Variants in FAM227B observed in about 807,000 individuals in gnomAD.
FAM227B encodes the protein protein FAM227B.
In FAM227B, 88 loss-of-function variants were observed where a neutral mutation model predicts 73.8. The ratio of observed to expected loss-of-function variants is 1.19; its 90% CI spans 1.00 to 1.42. FAM227B has a LOEUF of 1.42. FAM227B is among the 40% of genes most tolerant of loss of function. The pLI, the probability that FAM227B is intolerant of heterozygous loss-of-function variation, is 0.00. For missense variants in FAM227B, 632 were observed against 590.9 expected, an observed-to-expected ratio of 1.07 and a Z score of -0.72; for synonymous variants, 210 against 190.5, an observed-to-expected ratio of 1.10 and a Z score of -0.84.
intron 11 of FAM227B, among the ~76,000 whole-genome samples, chr15:49,383,761 T>A (rs1364913970): frequency 6.6e-6 from 1 of 152,104 alleles, no homozygotes; most frequent in Non-Finnish European, 1.5e-5. Flanking sequence ...AATAATTTTT[T>A]AATTTCACCA....
At chr15:49,510,473 C>T (rs1367421917) in intron 10 of FAM227B, among the ~76,000 whole-genome samples, 5 of 152,004 alleles carry the variant, frequency 3.3e-5, no homozygotes, top group Non-Finnish European at 7.4e-5. Context: ...AAACTGCTCC[C>T]CCCACTATTG....
chr15:49,609,639 T>C (rs1025278955), intron 3 of FAM227B, among the ~76,000 whole-genome samples: 2 of 151,938 alleles, frequency 1.3e-5, no homozygotes, highest in Admixed American at 6.6e-5. Context: ...AAATATTTCT[T>C]AAATGAATTC....
intron 11 of FAM227B, among the ~76,000 whole-genome samples, chr15:49,507,369 A>T (rs1443618519): frequency 6.6e-6 from 1 of 152,140 alleles, no homozygotes; most frequent in Non-Finnish European, 1.5e-5. Context: ...TCCTTGGCCT[A>T]TATCAAGGTA....
intron 11 of FAM227B, chr15:49,486,581 A>T (rs1453220935): frequency 6.6e-6 from 1 of 152,004 alleles, no homozygotes; most frequent in Non-Finnish European, 1.5e-5. Context: ...GTAAAACATG[A>T]CTATACAGAA....
At chr15:49,461,125 T>A (rs796984974) in intron 11 of FAM227B, among the ~76,000 whole-genome samples, 1 of 152,208 alleles carries the variant, frequency 6.6e-6, no homozygotes, top group Non-Finnish European at 1.5e-5. Flanking sequence ...TCCATCCTGA[T>A]GAACTTCTTC....
intron 13 of FAM227B, among the ~76,000 whole-genome samples, chr15:49,351,121 T>C (rs1166484523): frequency 7.0e-6 from 1 of 142,252 alleles, no homozygotes. Context: ...GTAGATCATT[T>C]AGTTTTGTTA....
chr15:49,392,635 A>C (rs1273119518), intron 11 of FAM227B, among the ~76,000 whole-genome samples: 1 of 152,232 alleles, frequency 6.6e-6, no homozygotes, highest in Admixed American at 6.5e-5. Flanking sequence ...GTGGTTATCC[A>C]AGTGTAAGAA....
chr15:49,374,306 G>A (rs1196669465), intron 11 of FAM227B, among the ~76,000 whole-genome samples: 1 of 152,022 alleles, frequency 6.6e-6, no homozygotes, highest in African/African-American at 2.4e-5. Flanking sequence ...AGTCTAGGAA[G>A]GAATCCAATA....
At chr15:49,619,585 A>C (rs189804195) in intron 1 of FAM227B, among the ~76,000 whole-genome samples, 6 of 152,184 alleles carry the variant, frequency 3.9e-5, no homozygotes, top group African/African-American at 4.8e-5. Flanking sequence ...CCTATTGACA[A>C]CACCACCTGT....
At chr15:49,517,118 A>G (rs2059428672) in intron 10 of FAM227B, among the ~76,000 whole-genome samples, 1 of 152,192 alleles carries the variant, frequency 6.6e-6, no homozygotes, top group African/African-American at 2.4e-5. Context: ...GTTGTTATAA[A>G]TCACTAAATG....
chr15:49,517,285 T>C lies in FAM227B; in HGVS notation c.875-8937A>G, dbSNP rs972900994. On this transcript the variant is annotated intron_variant, in intron 10 of 15. Transcript: ENST00000299338. ...TTAATGAAATTAATGGAACTCAGTA[T>C]ACTGTAAACAGCCTAAGAAAGTGAT... Among the ~76,000 whole-genome samples, 3 of 152,192 alleles carry C rather than the reference T, an allele frequency of 2.0e-5. No individual in the cohort carries two copies. In the East Asian group the frequency reaches 5.8e-4, roughly 29 times the overall value.
intron 9 of FAM227B, among the ~76,000 whole-genome samples, chr15:49,555,660 TC>T (rs1388051486): frequency 1.3e-5 from 2 of 152,236 alleles, no homozygotes; most frequent in African/African-American, 4.8e-5. Context: ...TTGCTTTCTC[TC>T]CCTCTTTCAA....
chr15:49,365,564 C>A, intron 13 of FAM227B: 1 of 890,492 alleles, frequency 1.1e-6, no homozygotes. Flanking sequence ...AAAGGTCCAG[C>A]TGCAAGTTTA....
chr15:49,578,350 T>A lies in FAM227B; in HGVS notation c.406-686A>T, dbSNP rs554429533. ...GATCCTTCTTTGAAAAGGAATTGGG[T>A]GGCATATTTTAATGTCTACTACACT... On this transcript the variant is annotated intron_variant, in intron 5 of 15. Coordinates refer to ENST00000299338, the MANE Select transcript of FAM227B (RefSeq NM_152647.3). 3.8e-4 allele frequency among the ~76,000 whole-genome samples: 58 copies of A among 152,268 alleles called. 1 individual carries two copies. The South Asian group carries it at 0.011, about 29-fold the overall frequency.
intron 13 of FAM227B, among the ~76,000 whole-genome samples, chr15:49,352,772 A>G (rs1160172308): frequency 6.6e-6 from 1 of 152,176 alleles, no homozygotes; most frequent in Non-Finnish European, 1.5e-5. Flanking sequence ...ATCCAAAATT[A>G]TAATATCAAA....
chr15:49,578,401 G>T (rs1186248162), intron 5 of FAM227B, among the ~76,000 whole-genome samples: 1 of 152,002 alleles, frequency 6.6e-6, no homozygotes, highest in Admixed American at 6.6e-5. Flanking sequence ...ATTAGTTTTT[G>T]ATCATCTAGT....
intron 11 of FAM227B, among the ~76,000 whole-genome samples, chr15:49,489,855 ATATTT>A (rs2056853425): frequency 2.0e-4 from 3 of 14,922 alleles, no homozygotes; most frequent in Non-Finnish European, 4.6e-4. Context: ...ATATATATAT[ATATTT>A]TATATATATA....
At chr15:49,595,500 G>A (rs1273461167) in intron 3 of FAM227B, among the ~76,000 whole-genome samples, 5 of 151,892 alleles carry the variant, frequency 3.3e-5, no homozygotes, top group African/African-American at 4.8e-5. Context: ...AGTGGTGAAA[G>A]TGGGCATACT....
intron 11 of FAM227B, among the ~76,000 whole-genome samples, chr15:49,447,068 C>T (rs1344620958): frequency 2.0e-5 from 3 of 151,362 alleles, no homozygotes; most frequent in African/African-American, 7.3e-5. Context: ...CTAACATTAC[C>T]CTAAACACTG....
Sources: allele counts gnomAD v4.1 joint callset (sites outside exome capture counted in the v4.1 genomes callset), GRCh38; gene constraint gnomAD v4.1.1; transcripts MANE v1.5; gene names NCBI Gene and HGNC (gene_info 2026-07-23, HGNC 2026-07-21).